The following FHOD3 variants were observed in gnomAD, a reference collection of about 807,000 sequenced individuals.
FHOD3 encodes FH1/FH2 domain-containing protein 3.
In FHOD3, 90 loss-of-function variants were observed where a neutral mutation model predicts 173.0. That is an observed-to-expected ratio of 0.52 (90% CI 0.44 to 0.62). The LOEUF (loss-of-function observed/expected upper bound fraction) is 0.62, where lower values mean the gene tolerates loss of function less well. Ranked by LOEUF, FHOD3 falls within the 20% of genes least tolerant of loss-of-function variation. FHOD3 has a pLI of 0.00. For synonymous variants in FHOD3, 828 were observed against 823.0 expected (o/e 1.01, Z -0.10); for missense variants, 1,945 against 2,034.7 (o/e 0.96, Z 0.85).
intron 9 of FHOD3, among the ~76,000 whole-genome samples, chr18:36,614,160 T>G (rs1283906892): frequency 1.3e-5 from 2 of 152,248 alleles, no homozygotes; most frequent in Non-Finnish European, 2.9e-5. Flanking sequence ...GCAGACACTC[T>G]ACATTCTTCC....
intron 3 of FHOD3, among the ~76,000 whole-genome samples, chr18:36,450,311 C>T (rs1039011213): frequency 3.3e-5 from 5 of 152,192 alleles, no homozygotes; most frequent in East Asian, 1.9e-4. Context: ...AGGCAGCCAG[C>T]GGAGCTCCCT....
rs1022164038 is a variant in FHOD3 at position 36,348,999 on chromosome 18, G to A, written c.166-6540G>A. Among the ~76,000 whole-genome samples, 7 of 152,190 alleles carry A rather than the reference G, an allele frequency of 4.6e-5. No individual in the cohort carries two copies. The East Asian group carries it at 5.8e-4, about 13-fold the overall frequency. On this transcript the variant is annotated intron_variant, in intron 1 of 28. Coordinates refer to ENST00000590592, the MANE Select transcript of FHOD3 (RefSeq NM_001281740.3). ...AAGCTCATGAGAAGAGGAGGGTGAC[G>A]TAAAGTCAGAACCCTAAAGTTGCTG...
At chr18:36,429,695 A>C (rs1336641372) in intron 3 of FHOD3, among the ~76,000 whole-genome samples, 1 of 152,170 alleles carries the variant, frequency 6.6e-6, no homozygotes, top group African/African-American at 2.4e-5. Context: ...GGCAGAACTG[A>C]GGGCCAGAAG....
At chr18:36,396,876 A>T (rs1039531901) in intron 3 of FHOD3, among the ~76,000 whole-genome samples, 2 of 150,290 alleles carry the variant, frequency 1.3e-5, no homozygotes, top group African/African-American at 2.4e-5. Context: ...CTTGGTTCAC[A>T]TTTTTTTTTT....
At chr18:36,321,249 A>G (rs2044377819) in intron 1 of FHOD3, among the ~76,000 whole-genome samples, 1 of 152,024 alleles carries the variant, frequency 6.6e-6, no homozygotes, top group Non-Finnish European at 1.5e-5. Flanking sequence ...TCCATAGTCT[A>G]TCTAGGTTGA....
intron 14 of FHOD3, among the ~76,000 whole-genome samples, chr18:36,676,714 T>G (rs534553115): frequency 1.3e-5 from 2 of 152,222 alleles, no homozygotes; most frequent in Non-Finnish European, 2.9e-5. Flanking sequence ...CATAATCTGA[T>G]AGGTGTGAAA....
At chr18:36,560,335 T>C (rs1292023942) in intron 5 of FHOD3, among the ~76,000 whole-genome samples, 5 of 152,220 alleles carry the variant, frequency 3.3e-5, no homozygotes, top group Admixed American at 3.3e-4. Context: ...GTTGAGGATG[T>C]TGATAAACAG....
intron 5 of FHOD3, among the ~76,000 whole-genome samples, chr18:36,569,152 T>C: frequency 6.6e-6 from 1 of 152,214 alleles, no homozygotes; most frequent in East Asian, 1.9e-4. Context: ...ATATTACATA[T>C]GACTGGTCTA....
At chr18:36,582,538 A>T (rs1409763810) in intron 6 of FHOD3, among the ~76,000 whole-genome samples, 1 of 152,218 alleles carries the variant, frequency 6.6e-6, no homozygotes, top group Non-Finnish European at 1.5e-5. Flanking sequence ...ATTACCTGTC[A>T]TTAACCAAAT....
chr18:36,647,517 TCC>T (rs2035771190), intron 10 of FHOD3, among the ~76,000 whole-genome samples: 1 of 140,230 alleles, frequency 7.1e-6, no homozygotes, highest in Admixed American at 7.6e-5. Flanking sequence ...TGGTAATTCA[TCC>T]CATCATTTTT....
At chr18:36,456,005 G>A (rs1394939717) in intron 3 of FHOD3, among the ~76,000 whole-genome samples, 3 of 152,034 alleles carry the variant, frequency 2.0e-5, no homozygotes, top group Admixed American at 6.6e-5. Flanking sequence ...TGTGCACCCC[G>A]AGTTGTGCAC....
chr18:36,429,424 A>AG (rs981125260), intron 3 of FHOD3, among the ~76,000 whole-genome samples: 1 of 152,212 alleles, frequency 6.6e-6, no homozygotes, highest in African/African-American at 2.4e-5. Context: ...GGAAGGCTCC[A>AG]GGTACGGGTG....
At chr18:36,347,640 G>A (rs112051496) in intron 1 of FHOD3, among the ~76,000 whole-genome samples, 10 of 152,140 alleles carry the variant, frequency 6.6e-5, no homozygotes, top group African/African-American at 2.4e-4. Flanking sequence ...AGATATCTTT[G>A]TACTTCATCC....
At chr18:36,462,104 T>A (rs1415071626) in intron 3 of FHOD3, among the ~76,000 whole-genome samples, 7 of 152,210 alleles carry the variant, frequency 4.6e-5, no homozygotes, top group Non-Finnish European at 1.0e-4. Flanking sequence ...ATGATTTTTT[T>A]AAAGTAGAAA....
rs1204966603 is a variant in FHOD3 at position 36,468,715 on chromosome 18, T to C, written c.338-33217T>C. On this transcript the variant is annotated intron_variant, in intron 3 of 28. Coordinates refer to ENST00000590592, the MANE Select transcript of FHOD3 (RefSeq NM_001281740.3). ...GCCACTTGGAGGTTGGTGGCAGAGC[T>C]CAGTCCAACCCCAGATCTTCTGCCT... Among the ~76,000 whole-genome samples, 6 of 152,252 alleles carry C rather than the reference T, an allele frequency of 3.9e-5. No individual in the cohort carries two copies. In the South Asian group the frequency reaches 1.0e-3, roughly 26 times the overall value.
intron 4 of FHOD3, among the ~76,000 whole-genome samples, chr18:36,506,819 C>CA (rs1490142239): frequency 6.6e-6 from 1 of 152,100 alleles, no homozygotes; most frequent in African/African-American, 2.4e-5. Context: ...ATTTCTAAGA[C>CA]AAAAACGCTT....
At chr18:36,617,610 T>TGCGTGTGTGTGC (rs1555783667) in intron 9 of FHOD3, among the ~76,000 whole-genome samples, 2 of 146,006 alleles carry the variant, frequency 1.4e-5, no homozygotes, top group Non-Finnish European at 1.5e-5. Context: ...TGTGTGTGTG[T>TGCGTGTGTGTGC]GTGTGTGTGC....
At chr18:36,370,644 C>G (rs187746718) in intron 2 of FHOD3, among the ~76,000 whole-genome samples, 1 of 152,136 alleles carries the variant, frequency 6.6e-6, no homozygotes, top group African/African-American at 2.4e-5. Flanking sequence ...AAATGTCTTC[C>G]CTGGCCAGCT....
intron 3 of FHOD3, among the ~76,000 whole-genome samples, chr18:36,389,522 C>T (rs1229996391): frequency 1.3e-5 from 2 of 152,164 alleles, no homozygotes; most frequent in Admixed American, 6.5e-5. Flanking sequence ...TTGGGCTGGA[C>T]TCAGTGCCAG....
Sources: gnomAD v4.1 joint callset for allele counts (sites outside exome capture counted in the v4.1 genomes callset) on GRCh38, gnomAD v4.1.1 for gene constraint, MANE v1.5 for transcripts, NCBI Gene and HGNC (gene_info 2026-07-23, HGNC 2026-07-21) for gene names.